SCFD1: variants seen among roughly 807,000 people sequenced by gnomAD.
SCFD1 encodes the protein sec1 family domain containing 1.
In SCFD1, 37 loss-of-function variants were observed where a neutral mutation model predicts 103.2. That is an observed-to-expected ratio of 0.36 (90% confidence interval 0.28 to 0.47). The LOEUF (loss-of-function observed/expected upper bound fraction) is 0.47. SCFD1 is among the 20% of genes least tolerant of loss of function. SCFD1 has a pLI of 1.00. For synonymous variants in SCFD1, 264 were observed against 245.0 expected, an observed-to-expected ratio of 1.08 and a Z score of -0.73; for missense variants, 639 against 761.2, an observed-to-expected ratio of 0.84 and a Z score of 1.89.
chr14:30,649,595 C>T lies in SCFD1; in HGVS notation c.669+12C>T, dbSNP rs372547689. ...AAATGGTAGCAGTGGTAAGTTCATG[C>T]GGATATCACGTGGAGATAAATAACA... On this transcript the variant is annotated intron_variant, in intron 8 of 24. Transcript: ENST00000458591. The T allele has an allele frequency of 1.3e-5, 20 of 1,557,562 alleles. No individual in the cohort carries two copies. The highest frequency in any genetic ancestry group is 5.6e-5 in the African/African-American group (4 of 70,912).
intron 16 of SCFD1, 40 bp from the exon 17 acceptor site, chr14:30,702,256 A>C: frequency 7.7e-7 from 1 of 1,306,578 alleles, no homozygotes; most frequent in Non-Finnish European, 1.1e-6. Context: ...TCTTTCTTGA[A>C]AGTAAAATTT....
At chr14:30,710,457 CTT>C (rs201252038) in intron 19 of SCFD1, among the ~76,000 whole-genome samples, 2 of 150,450 alleles carry the variant, frequency 1.3e-5, no homozygotes, top group South Asian at 2.1e-4. Context: ...TCAATGTAGT[CTT>C]TTTTTTGTTG....
chr14:30,711,332 G>A (rs960769271), intron 19 of SCFD1, among the ~76,000 whole-genome samples: 1 of 152,216 alleles, frequency 6.6e-6, no homozygotes, highest in Non-Finnish European at 1.5e-5. Context: ...TATATGTCGG[G>A]TGCAGTGGCT....
intron 10 of SCFD1, among the ~76,000 whole-genome samples, chr14:30,656,388 A>G (rs1886906370): frequency 6.6e-6 from 1 of 152,196 alleles, no homozygotes; most frequent in African/African-American, 2.4e-5. Flanking sequence ...ACTGTGGACC[A>G]GGATTTCTCA....
intron 24 of SCFD1, chr14:30,735,144 C>T (rs1345753353): frequency 3.0e-6 from 1 of 336,324 alleles, no homozygotes; most frequent in Non-Finnish European, 5.4e-6. Context: ...TAGTGTGTCA[C>T]TCATGACATT....
intron 2 of SCFD1, among the ~76,000 whole-genome samples, chr14:30,629,768 G>T (rs1052506463): frequency 2.0e-5 from 3 of 151,986 alleles, no homozygotes; most frequent in African/African-American, 4.8e-5. Flanking sequence ...AGTAGAGAAA[G>T]GGTTTCACCA....
At chr14:30,708,350 C>T (rs1404789740) in intron 19 of SCFD1, among the ~76,000 whole-genome samples, 46 of 152,136 alleles carry the variant, frequency 3.0e-4, no homozygotes, top group Admixed American at 2.9e-3. Flanking sequence ...CGGCCTCCTA[C>T]AGGCCCCGAT....
At chr14:30,723,705 A>G (rs1237245851) in intron 23 of SCFD1, among the ~76,000 whole-genome samples, 1 of 152,146 alleles carries the variant, frequency 6.6e-6, no homozygotes, top group African/African-American at 2.4e-5. Context: ...AGCTCCATCT[A>G]TGTCCCTGCA....
intron 15 of SCFD1, among the ~76,000 whole-genome samples, chr14:30,696,280 A>G (rs1275302050): frequency 6.6e-6 from 1 of 152,226 alleles, no homozygotes; most frequent in African/African-American, 2.4e-5. Flanking sequence ...TTGTGGTGAG[A>G]ACATAGCATT....
chr14:30,680,622 A>T (rs1020750980), intron 14 of SCFD1, among the ~76,000 whole-genome samples: 2 of 152,204 alleles, frequency 1.3e-5, no homozygotes, highest in African/African-American at 4.8e-5. Context: ...GATTAGGAAT[A>T]ATTTAAACTG....
chr14:30,715,978 G>A lies in SCFD1; in HGVS notation c.1683+1G>A. On this transcript the variant is annotated splice_donor_variant, in intron 20 of 24. Transcript: ENST00000458591. LOFTEE classifies it high-confidence loss of function. ...TCTTATGGAGATGAAGTCAAACCCC[G>A]TGAGTACCATATAACATATTTTGTG... 1.3e-6 allele frequency: 2 copies of A among 1,516,324 alleles called. No individual in the cohort carries two copies. Among genetic ancestry groups the A allele is most frequent in the Non-Finnish European group, 1.8e-6 (2 of 1,099,976 alleles). 93.9% of individuals were successfully genotyped at this position (1,516,324 alleles called of 1,614,324 possible). A position where few individuals can be genotyped will look rare whatever the true frequency, so the allele number is the denominator to read the frequency against.
intron 17 of SCFD1, among the ~76,000 whole-genome samples, chr14:30,704,036 A>G (rs1273511619): frequency 2.0e-5 from 3 of 148,474 alleles, no homozygotes; most frequent in African/African-American, 4.9e-5. Context: ...TGCATAGCCT[A>G]AAGGTAATTT....
At chr14:30,720,070 C>G (rs1238707966) in intron 21 of SCFD1, among the ~76,000 whole-genome samples, 2 of 152,094 alleles carry the variant, frequency 1.3e-5, no homozygotes, top group African/African-American at 2.4e-5. Flanking sequence ...TGTTTGGGAT[C>G]TTCAGAACTT....
chr14:30,647,790 A>G (rs1885985739), intron 7 of SCFD1, among the ~76,000 whole-genome samples: 1 of 152,108 alleles, frequency 6.6e-6, no homozygotes, highest in Admixed American at 6.5e-5. Context: ...AGCTGGGATT[A>G]TAGGCATGCT....
At chr14:30,691,031 C>T (rs1029716432) in intron 14 of SCFD1, among the ~76,000 whole-genome samples, 5 of 152,154 alleles carry the variant, frequency 3.3e-5, no homozygotes, top group African/African-American at 7.2e-5. Context: ...TTAGTGTTTT[C>T]TCTCATTTCA....
At chr14:30,679,287 T>C (rs1889285922) in intron 14 of SCFD1, among the ~76,000 whole-genome samples, 1 of 152,148 alleles carries the variant, frequency 6.6e-6, no homozygotes, top group Non-Finnish European at 1.5e-5. Context: ...ATGTCAATTG[T>C]ATGAGTATGA....
At chr14:30,694,747 C>G in intron 14 of SCFD1, 26 bp from the exon 15 acceptor site, 1 of 1,560,436 alleles carries the variant, frequency 6.4e-7, no homozygotes, top group Non-Finnish European at 8.6e-7. Flanking sequence ...TTAATATATT[C>G]TCATCTAATG....
chr14:30,734,954 A>C (rs900903463), intron 24 of SCFD1, 96 bp downstream of exon 24: 355 of 901,042 alleles, frequency 3.9e-4, no homozygotes, highest in Admixed American at 3.3e-4. Context: ...ACTCACCTGA[A>C]CCAGCCGAAA....
At chr14:30,638,592 GT>G (rs771566646) in intron 5 of SCFD1, among the ~76,000 whole-genome samples, 47 of 152,080 alleles carry the variant, frequency 3.1e-4, no homozygotes, top group South Asian at 2.1e-4. Flanking sequence ...TGTTGACATT[GT>G]TTTATCTGTA....
Sources: allele counts gnomAD v4.1 joint callset (sites outside exome capture counted in the v4.1 genomes callset), GRCh38; gene constraint gnomAD v4.1.1; transcripts MANE v1.5; gene names NCBI Gene and HGNC (gene_info 2026-07-23, HGNC 2026-07-21).